Variants in SPNS3 observed in about 807,000 individuals in gnomAD.
The protein encoded by SPNS3 is SPNS lysolipid transporter 3, sphingosine-1-phosphate (putative), also known as protein spinster homolog 3.
In SPNS3, 51 loss-of-function variants were observed where a neutral mutation model predicts 54.4. That is an observed-to-expected ratio of 0.94 (90% CI 0.75 to 1.18). The LOEUF (loss-of-function observed/expected upper bound fraction) is 1.18, where lower values mean the gene tolerates loss of function less well. SPNS3 is among the 50% of genes most tolerant of loss of function. The probability of loss-of-function intolerance (pLI) is 0.00; values close to 1 mark genes in which losing one functional copy is unlikely to be tolerated. For missense variants in SPNS3, 669 were observed against 677.4 expected, an observed-to-expected ratio of 0.99 and a Z score of 0.14; for synonymous variants, 309 against 294.7, an observed-to-expected ratio of 1.05 and a Z score of -0.50.
intron 8 of SPNS3, among the ~76,000 whole-genome samples, chr17:4,460,641 A>G (rs933089399): frequency 8.2e-5 from 12 of 146,414 alleles, no homozygotes; most frequent in African/African-American, 2.8e-4. Flanking sequence ...ACGGGGTTTC[A>G]CCTTGTTAGC....
At chr17:4,469,967 T>C (rs1375779974) in intron 8 of SPNS3, among the ~76,000 whole-genome samples, 2 of 152,204 alleles carry the variant, frequency 1.3e-5, no homozygotes, top group Non-Finnish European at 2.9e-5. Context: ...TAAATAATTC[T>C]TCACATTTTG....
At chr17:4,447,085 G>T in intron 5 of SPNS3, 123 bp downstream of exon 5, 1 of 981,840 alleles carries the variant, frequency 1.0e-6, no homozygotes, top group Non-Finnish European at 1.6e-6. Flanking sequence ...GGGGGTGGTG[G>T]TCAGGCATCG....
chr17:4,444,665 T>A (rs1970935522), intron 2 of SPNS3, among the ~76,000 whole-genome samples: 1 of 152,040 alleles, frequency 6.6e-6, no homozygotes, highest in African/African-American at 2.4e-5. Context: ...ACGGGGGTCA[T>A]GTGTGTTTGT....
intron 7 of SPNS3, 26 bp downstream of exon 7, chr17:4,449,413 A>C (rs544987895): frequency 6.4e-7 from 1 of 1,555,354 alleles, no homozygotes; most frequent in Non-Finnish European, 8.6e-7. Flanking sequence ...GGCCCTGGGC[A>C]CCTGGCCCGG....
chr17:4,435,456 AAAAAT>A (rs1970690980), intron 1 of SPNS3, among the ~76,000 whole-genome samples: 1 of 135,324 alleles, frequency 7.4e-6, no homozygotes, highest in African/African-American at 3.6e-5. Context: ...AAAAAAAATA[AAAAAT>A]AAAAAATAAA....
rs188310971 is a variant in SPNS3 at position 4,469,817 on chromosome 17, G to C, written c.1114-8755G>C. Among the ~76,000 whole-genome samples, 217 of 152,044 alleles carry C rather than the reference G, an allele frequency of 1.4e-3. 3 individuals are homozygous for C. Among genetic ancestry groups the C allele is most frequent in the Non-Finnish European group, 7.1e-4 (48 of 67,990 alleles). On this transcript the variant is annotated intron_variant, in intron 8 of 11. Transcript: ENST00000355530. ...GCAGTGCTACCGTGGTGAGGTCAAG[G>C]GTGGGACCAACAATTCACTGTATCG...
At chr17:4,469,039 C>T (rs1259382775) in intron 8 of SPNS3, among the ~76,000 whole-genome samples, 2 of 151,928 alleles carry the variant, frequency 1.3e-5, no homozygotes, top group Admixed American at 6.6e-5. Context: ...CTGCCCACCT[C>T]AGCCTCCCAA....
intron 8 of SPNS3, among the ~76,000 whole-genome samples, chr17:4,457,775 G>C (rs1010977768): frequency 1.3e-5 from 2 of 152,144 alleles, no homozygotes; most frequent in Non-Finnish European, 1.5e-5. Flanking sequence ...GCAGCCTGGC[G>C]CATCTCTAGA....
intron 5 of SPNS3, 89 bp downstream of exon 5, chr17:4,447,051 G>T: frequency 2.1e-6 from 3 of 1,424,104 alleles, no homozygotes; most frequent in South Asian, 1.2e-5. Flanking sequence ...ACTTGGCGTA[G>T]CACCCGGCGC....
rs573983710 is a variant in SPNS3, at chr17:4,479,077, A to C, written c.1179+440A>C. On this transcript the variant is annotated intron_variant, in intron 9 of 11. Transcript: ENST00000355530. ...TCTGCCTCAGCCTCCCAAGTAGCAG[A>C]GACTACAGGCACCCGCCACCATGCC... is the stretch of plus-strand genomic sequence containing the variant. Among the ~76,000 whole-genome samples the C allele has an allele frequency of 1.5e-3, 226 of 152,242 alleles. 1 individual carries two copies. The highest frequency in any genetic ancestry group is 6.8e-3 in the Middle Eastern group (2 of 294).
intron 9 of SPNS3, among the ~76,000 whole-genome samples, chr17:4,484,559 G>A (rs191940994): frequency 1.5e-3 from 230 of 152,284 alleles, no homozygotes; most frequent in African/African-American, 5.1e-3. Flanking sequence ...GACCTCAAGT[G>A]ATCCACCTGC....
rs192511311 is a variant in SPNS3, at chr17:4,452,001, G to A, written c.924-1015G>A. On this transcript the variant is annotated intron_variant, in intron 7 of 11. Coordinates refer to ENST00000355530, the MANE Select transcript of SPNS3 (RefSeq NM_182538.5). Reference sequence around the variant, plus strand: ...GTCCCCTTTGAGCTCCTTTAAAAGGGGGCTGGAGGTTGCACAATGGACCAG... The same window carrying A: ...GTCCCCTTTGAGCTCCTTTAAAAGGAGGCTGGAGGTTGCACAATGGACCAG... 9.8e-4 allele frequency among the ~76,000 whole-genome samples: 149 copies of A among 152,150 alleles called. 1 individual carries two copies. The highest frequency in any genetic ancestry group is 1.9e-3 in the Non-Finnish European group (131 of 68,010).
intron 7 of SPNS3, 38 bp downstream of exon 7, chr17:4,449,425 T>G (rs761907455): frequency 6.5e-7 from 1 of 1,541,970 alleles, no homozygotes; most frequent in South Asian, 1.2e-5. Flanking sequence ...CTGGCCCGGC[T>G]CGGGGGCTCT....
chr17:4,460,467 T>G (rs1971466852), intron 8 of SPNS3, among the ~76,000 whole-genome samples: 2 of 147,732 alleles, frequency 1.4e-5, no homozygotes, highest in African/African-American at 5.1e-5. Flanking sequence ...AGTCTCACTC[T>G]GTGGCCCAGG....
intron 7 of SPNS3, among the ~76,000 whole-genome samples, chr17:4,450,547 G>A (rs1971135433): frequency 6.6e-6 from 1 of 151,468 alleles, no homozygotes; most frequent in Admixed American, 6.6e-5. Flanking sequence ...CCAAGTAGCT[G>A]GGACCACAGG....
rs1236788511 is a variant in SPNS3, at chr17:4,486,785, A to G, written c.1450+202A>G. Among the ~76,000 whole-genome samples, 1 of 152,228 alleles carries G rather than the reference A, an allele frequency of 6.6e-6. No homozygotes were observed. Among genetic ancestry groups the G allele is most frequent in the African/African-American group, 2.4e-5 (1 of 41,462 alleles). On this transcript the variant is annotated intron_variant, in intron 11 of 11. Coordinates refer to ENST00000355530, the MANE Select transcript of SPNS3 (RefSeq NM_182538.5). The surrounding 1 kb of genome is among the most constrained non-coding windows in gnomAD (Gnocchi z 5.5). ...AGTCCAGGCCCCTGTAGAAACTGAC[A>G]CTGTAGTTGGTGAAGACAGACCAGA...
chr17:4,470,264 A>G (rs919247301), intron 8 of SPNS3, among the ~76,000 whole-genome samples: 3 of 151,968 alleles, frequency 2.0e-5, no homozygotes, highest in Non-Finnish European at 4.4e-5. Context: ...CCCCGTCTCT[A>G]CTAAAAATAC....
rs1567560793 is a variant in SPNS3 at position 4,453,314 on chromosome 17, CCTT to C, written c.1113+112_1113+114del. 3.6e-5 allele frequency: 38 copies of C among 1,046,028 alleles called. No homozygotes were observed. In the Middle Eastern group the frequency reaches 1.3e-3, roughly 35 times the overall value. The allele number at this position is 1,046,028 out of a possible 1,614,324, so 64.8% of individuals were successfully genotyped here. A position where few individuals can be genotyped will look rare whatever the true frequency, so the allele number is the denominator to read the frequency against. On this transcript the variant is annotated intron_variant, in intron 8 of 11. Coordinates refer to ENST00000355530, the MANE Select transcript of SPNS3 (RefSeq NM_182538.5). ...TTTATGTACAATTATGTTGATCACT[CCTT>C]CTGAGTAGAGCTTGTTATCCCCATT...
In SPNS3 at chr17:4,449,459, G is replaced by T. The variant is rs1034429844; in HGVS notation, c.923+72G>T. On this transcript the variant is annotated intron_variant, in intron 7 of 11. Transcript: ENST00000355530. ...CTTGCTGAGGAAGTTCTGAGGTTCT[G>T]AGCTCCAAAATTCAGTTTCTTGGGG... 1.8e-5 allele frequency: 27 copies of T among 1,476,430 alleles called. No individual in the cohort carries two copies. In the African/African-American group the frequency reaches 3.1e-4, roughly 17 times the overall value. The allele number at this position is 1,476,430 out of a possible 1,614,324, so 91.5% of individuals were successfully genotyped here. A position where few individuals can be genotyped will look rare whatever the true frequency, so the allele number is the denominator to read the frequency against.
Sources: allele counts gnomAD v4.1 joint callset (sites outside exome capture counted in the v4.1 genomes callset), GRCh38; gene constraint gnomAD v4.1.1; non-coding constraint Gnocchi (gnomAD v3.1); transcripts MANE v1.5; gene names NCBI Gene and HGNC (gene_info 2026-07-23, HGNC 2026-07-21).